The following UGT1A6 variants were observed in gnomAD, a reference collection of about 807,000 sequenced individuals.
UGT1A6 encodes UDP glucuronosyltransferase family 1 member A6, also known as UDP-glucuronosyltransferase 1A6.
Under a neutral mutation model 44.4 loss-of-function variants are expected in UGT1A6, and 32 were observed. The observed-to-expected ratio is 0.72, with a 90% CI of 0.54 to 0.97. UGT1A6 has a LOEUF of 0.97. Ranked by LOEUF, UGT1A6 falls within the 50% of genes least tolerant of loss-of-function variation. UGT1A6 has a pLI of 0.00. For synonymous variants in UGT1A6, 238 were observed against 248.5 expected, an observed-to-expected ratio of 0.96 and a Z score of 0.40; for missense variants, 685 against 661.9, an observed-to-expected ratio of 1.03 and a Z score of -0.38.
In UGT1A6 at chr2:233,772,898, G is replaced by C. The variant is rs1042640; in HGVS notation, c.*339G>C. 367,954 of 456,154 alleles carry C rather than the reference G, an allele frequency of 0.81. 148,868 individuals are homozygous for C. Among genetic ancestry groups the C allele is most frequent in the East Asian group, 0.89 (15,034 of 16,914 alleles). The allele number at this position is 456,154 out of a possible 1,614,324, so 28.3% of individuals were successfully genotyped here. On this transcript the variant is annotated 3_prime_UTR_variant, in exon 5 of 5. Coordinates refer to ENST00000305139, the MANE Select transcript of UGT1A6 (RefSeq NM_001072.4). ...GTGCGGGATTCAAAGGTGGTCCCACGGCTGCCCCTACTGCAAATGGCAGTT... is the reference window on the plus strand; with the variant it reads ...GTGCGGGATTCAAAGGTGGTCCCACCGCTGCCCCTACTGCAAATGGCAGTT...
Position 233,769,013 on chromosome 2 carries a change from C to T in UGT1A6, c.1301+574C>T, listed in dbSNP as rs4148328. 0.32 allele frequency among the ~76,000 whole-genome samples: 49,227 copies of T among 151,996 alleles called. 8,798 individuals are homozygous for T. Among genetic ancestry groups the T allele is most frequent in the East Asian group, 0.6 (3,101 of 5,178 alleles). On this transcript the variant is annotated intron_variant, in intron 4 of 4. Transcript: ENST00000305139. The surrounding 1 kb of genome is among the most constrained non-coding windows in gnomAD (Gnocchi z 4.4). ...CCATTAGATTTAAAACTCCAATTTA[C>T]ATAAAAAGTTGCCATAATAGACATC...
At position 233,769,954 on chromosome 2, in the gene UGT1A6, T is replaced by G. The variant is rs1348335811; in HGVS notation, c.1301+1515T>G. 3 of 220,032 alleles carry G rather than the reference T, an allele frequency of 1.4e-5. No individual in the cohort carries two copies. The highest frequency in any genetic ancestry group is 2.3e-5 in the African/African-American group (1 of 44,160). The allele number at this position is 220,032 out of a possible 1,614,324, so 13.6% of individuals were successfully genotyped here. Reference sequence around the variant, plus strand: ...CCCATTCCTTCCTTCCAGCGGCTTCTTCTGGCCACCTCAATGTCAGGATGT... The same window carrying G: ...CCCATTCCTTCCTTCCAGCGGCTTCGTCTGGCCACCTCAATGTCAGGATGT... On this transcript the variant is annotated intron_variant, in intron 4 of 4. Coordinates refer to ENST00000305139, the MANE Select transcript of UGT1A6 (RefSeq NM_001072.4). This position sits in a 1 kb window ranked among gnomAD's most constrained non-coding sequence, Gnocchi z 4.4.
intron 1 of UGT1A6, chr2:233,755,137 T>A: frequency 7.6e-7 from 1 of 1,310,376 alleles, no homozygotes; most frequent in Non-Finnish European, 1.0e-6. Context: ...TGCTTGAATC[T>A]TCTCACCGCT....
Position 233,743,944 on chromosome 2 carries a change from C to G in UGT1A6, c.862-23090C>G, listed in dbSNP as rs558062868. 11 of 1,351,522 alleles carry G rather than the reference C, an allele frequency of 8.1e-6. No individual in the cohort carries two copies. In the Admixed American group the frequency reaches 1.2e-4, roughly 14 times the overall value. The allele number at this position is 1,351,522 out of a possible 1,614,324, so 83.7% of individuals were successfully genotyped here. A position where few individuals can be genotyped will look rare whatever the true frequency, so the allele number is the denominator to read the frequency against. ...TGGATGGCCAGAACGGCCCACCAGG[C>G]ACTGGCACAGCGAGCGGCAAGGCTG... On this transcript the variant is annotated intron_variant, in intron 1 of 4. Transcript: ENST00000305139.
At chr2:233,755,448 G>A in intron 1 of UGT1A6, 1 of 310,232 alleles carries the variant, frequency 3.2e-6, no homozygotes, top group Non-Finnish European at 6.3e-6. Context: ...CAGTGCTCCT[G>A]GGACTGGCCC....
chr2:233,754,489 A>T, intron 1 of UGT1A6: 1 of 357,276 alleles, frequency 2.8e-6, no homozygotes. Context: ...TTTCAATCCT[A>T]AAAAAAGTCC....
intron 1 of UGT1A6, chr2:233,741,585 C>T (rs370534544): frequency 1.3e-5 from 2 of 151,864 alleles, no homozygotes; most frequent in South Asian, 2.1e-4. Flanking sequence ...CCAGGCACCT[C>T]GGAGCATGTT....
At chr2:233,708,481 G>A (rs1350842502) in intron 1 of UGT1A6, 2 of 152,206 alleles carry the variant, frequency 1.3e-5, no homozygotes, top group Non-Finnish European at 2.9e-5. Flanking sequence ...GCTGAGCGTG[G>A]TGGCTCATGC....
At chr2:233,729,082 G>C (rs2077787378) in intron 1 of UGT1A6, 1 of 1,612,252 alleles carries the variant, frequency 6.2e-7, no homozygotes, top group Non-Finnish European at 8.5e-7. Context: ...AATGTAGCAG[G>C]CACAGCGTGG....
At chr2:233,705,768 G>C (rs753829287) in intron 1 of UGT1A6, among the ~76,000 whole-genome samples, 1 of 152,178 alleles carries the variant, frequency 6.6e-6, no homozygotes, top group Non-Finnish European at 1.5e-5. Flanking sequence ...TGCATACTTT[G>C]AGTGTCTTAG....
intron 1 of UGT1A6, among the ~76,000 whole-genome samples, chr2:233,704,121 C>T (rs1372423895): frequency 2.0e-5 from 3 of 151,972 alleles, no homozygotes; most frequent in Non-Finnish European, 4.4e-5. Flanking sequence ...AAACTCCTTA[C>T]CTCAAGTGAT....
At chr2:233,696,010 C>A (rs1247688377) in intron 1 of UGT1A6, among the ~76,000 whole-genome samples, 1 of 152,132 alleles carries the variant, frequency 6.6e-6, no homozygotes, top group Non-Finnish European at 1.5e-5. Context: ...TCAGGTCCCA[C>A]AGACATGGGG....
At chr2:233,747,651 G>C in intron 1 of UGT1A6, 1 of 1,588,730 alleles carries the variant, frequency 6.3e-7, no homozygotes, top group Non-Finnish European at 8.6e-7. Flanking sequence ...TACTTCCTTC[G>C]ATGTGGTTTT....
intron 1 of UGT1A6, chr2:233,719,474 G>C: frequency 6.2e-7 from 1 of 1,613,940 alleles, no homozygotes. Context: ...TCTACCCTCT[G>C]GCCCTGTCCT....
intron 1 of UGT1A6, chr2:233,761,078 A>G: frequency 3.7e-6 from 6 of 1,614,128 alleles, no homozygotes; most frequent in Non-Finnish European, 5.1e-6. Flanking sequence ...GTGAAGGATT[A>G]CCCTAGGCCC....
intron 1 of UGT1A6, among the ~76,000 whole-genome samples, chr2:233,761,451 T>A (rs1697772637): frequency 6.6e-6 from 1 of 152,220 alleles, no homozygotes; most frequent in South Asian, 2.1e-4. Context: ...ATGCTGGGTT[T>A]GGGGCACCCT....
intron 1 of UGT1A6, among the ~76,000 whole-genome samples, chr2:233,730,416 T>C (rs934632657): frequency 4.6e-5 from 7 of 152,204 alleles, no homozygotes; most frequent in African/African-American, 1.7e-4. Flanking sequence ...GTTGACATGA[T>C]AATTTTTAGT....
intron 1 of UGT1A6, among the ~76,000 whole-genome samples, chr2:233,724,132 C>T (rs1385895919): frequency 3.1e-4 from 38 of 120,742 alleles, no homozygotes; most frequent in South Asian, 1.8e-3. Flanking sequence ...CCTCACCTCC[C>T]GGACGGGGCG....
chr2:233,713,582 A>G (rs2076331965), intron 1 of UGT1A6: 26 of 1,613,952 alleles, frequency 1.6e-5, no homozygotes, highest in Non-Finnish European at 2.2e-5. Context: ...TTCCTAGATT[A>G]CTAACGACCA....
Sources: gnomAD v4.1 joint callset for allele counts (sites outside exome capture counted in the v4.1 genomes callset) on GRCh38, gnomAD v4.1.1 for gene constraint, Gnocchi (gnomAD v3.1) non-coding constraint, MANE v1.5 for transcripts, NCBI Gene and HGNC (gene_info 2026-07-23, HGNC 2026-07-21) for gene names.